The following BCOR variants were observed in gnomAD, a reference collection of about 807,000 sequenced individuals.
The protein encoded by BCOR is BCL-6 corepressor.
In BCOR, 10 loss-of-function variants were observed where a neutral mutation model predicts 86.7. That is an observed-to-expected ratio of 0.12 (90% CI 0.07 to 0.20). The LOEUF (loss-of-function observed/expected upper bound fraction) is 0.20, where lower values mean the gene tolerates loss of function less well. BCOR is among the 10% of genes least tolerant of loss of function. The pLI, the probability that BCOR is intolerant of heterozygous loss-of-function variation, is 1.00. For missense variants in BCOR, 1,259 were observed against 1,452.1 expected (o/e 0.87, Z 2.16); for synonymous variants, 611 against 609.0 (o/e 1.00, Z -0.05).
chrX:40,138,584 T>C (rs771444110), intron 1 of BCOR, among the ~76,000 whole-genome samples: 1 of 111,268 alleles, frequency 9.0e-6, no homozygotes, highest in Non-Finnish European at 1.9e-5. Context: ...AGACGGAATC[T>C]TGCTCTGTCA....
chrX:40,104,232 A>C (rs1457383519), intron 1 of BCOR, among the ~76,000 whole-genome samples: 1 of 111,734 alleles, frequency 8.9e-6, no homozygotes, highest in African/African-American at 3.3e-5. Context: ...CTTCAAACTA[A>C]ACAGGTAGTT....
chrX:40,095,188 T>C (rs1387338145), intron 1 of BCOR, among the ~76,000 whole-genome samples: 1 of 111,310 alleles, frequency 9.0e-6, no homozygotes, highest in Non-Finnish European at 1.9e-5. Flanking sequence ...CTGCCCAAAA[T>C]AAACACGAAA....
Position 40,073,883 on chromosome X carries a change from G to A in BCOR, c.1463C>T (p.Ser488Phe). The A allele has an allele frequency of 8.2e-7, 1 of 1,212,296 alleles. No homozygotes were observed. The highest frequency in any genetic ancestry group is 1.1e-6 in the Non-Finnish European group (1 of 895,539). Reference sequence around the variant, plus strand: ...GATAGCACAACCATTTCCTGGAGGAGATAGTGTTTCTTTCGGAATCTCACT... The same window carrying A: ...GATAGCACAACCATTTCCTGGAGGAAATAGTGTTTCTTTCGGAATCTCACT... Reference protein sequence around the residue: ...SGSEIPKETLSPPGNGCAIYR... With the variant: ...SGSEIPKETLFPPGNGCAIYR... Residue 488 changes from serine (S) to phenylalanine (F), a missense_variant, in exon 4 of 15, where the codon TCT (serine) becomes TTT (phenylalanine). This residue lies in a region of BCOR where 534 missense variants were observed against 594.8 expected (regional missense o/e 0.90). Transcript: ENST00000378444.
intron 1 of BCOR, among the ~76,000 whole-genome samples, chrX:40,151,105 G>T (rs1938156976): frequency 8.9e-6 from 1 of 111,900 alleles, no homozygotes; most frequent in South Asian, 3.7e-4. Context: ...GCATGGGGGA[G>T]TTGTACCTCC....
chrX:40,129,407 T>A (rs1199349901), intron 1 of BCOR, among the ~76,000 whole-genome samples: 1 of 108,458 alleles, frequency 9.2e-6, no homozygotes, highest in East Asian at 2.9e-4. Flanking sequence ...TCACTTGAAC[T>A]CAGGAGGCAG....
Position 40,083,659 on chromosome X carries a change from C to T in BCOR, c.-40-5690G>A, listed in dbSNP as rs755264289. ...TCGGTCGGCAACAAAGGGATTTTCT[C>T]TCCCACCACACACACCCGTGCTGCT... On this transcript the variant is annotated intron_variant, in intron 1 of 14. Transcript: ENST00000378444. 8.9e-5 allele frequency among the ~76,000 whole-genome samples: 10 copies of T among 112,287 alleles called. No homozygotes were observed. In the South Asian group the frequency reaches 3.7e-3, roughly 42 times the overall value.
chrX:40,060,554 G>A (rs1934818825), intron 10 of BCOR, among the ~76,000 whole-genome samples: 1 of 112,184 alleles, frequency 8.9e-6, no homozygotes, highest in Non-Finnish European at 1.9e-5. Context: ...ACCCCGCTAT[G>A]GCCGGCAAGT....
At chrX:40,062,511 T>G (rs747481986) in intron 9 of BCOR, 118 bp from the exon 10 acceptor site, 29 of 992,343 alleles carry the variant, frequency 2.9e-5, no homozygotes, top group Non-Finnish European at 4.0e-5. Flanking sequence ...ATTCCTTATC[T>G]TTTTTTGGGG....
intron 1 of BCOR, among the ~76,000 whole-genome samples, chrX:40,160,203 C>A (rs1163276427): frequency 2.7e-5 from 3 of 109,347 alleles, no homozygotes; most frequent in East Asian, 5.8e-4. Flanking sequence ...GCAAGCTCCG[C>A]CTCCCGGATT....
chrX:40,127,906 A>AAATAAATAAATT (rs1465436048), intron 1 of BCOR, among the ~76,000 whole-genome samples: 3 of 103,480 alleles, frequency 2.9e-5, no homozygotes, highest in Admixed American at 1.1e-4. Flanking sequence ...ATAAATAAAT[A>AAATAAATAAATT]AATTTAAAAA....
At chrX:40,158,645 T>C (rs1938351835) in intron 1 of BCOR, among the ~76,000 whole-genome samples, 1 of 112,803 alleles carries the variant, frequency 8.9e-6, no homozygotes, top group African/African-American at 3.2e-5. Flanking sequence ...CCCAGAACTC[T>C]GTCCCCAGAG....
intron 6 of BCOR, chrX:40,067,859 C>T (rs907765802): frequency 1.3e-4 from 14 of 111,845 alleles, no homozygotes; most frequent in African/African-American, 4.6e-4. Flanking sequence ...TTGGACCTCC[C>T]TCAAATGGGG....
At chrX:40,170,805 T>G (rs1938605104) in intron 1 of BCOR, among the ~76,000 whole-genome samples, 1 of 112,508 alleles carries the variant, frequency 8.9e-6, no homozygotes, top group African/African-American at 3.2e-5. Context: ...ATTAGGTTGC[T>G]TTTGGGTTCC....
At position 40,078,780 on chromosome X, in the gene BCOR, G is replaced by A. The variant is rs181156388; in HGVS notation, c.-40-811C>T. 2.1e-3 allele frequency among the ~76,000 whole-genome samples: 230 copies of A among 111,823 alleles called. 1 individual carries two copies. The highest frequency in any genetic ancestry group is 0.014 in the Middle Eastern group (3 of 217). Reference sequence around the variant, plus strand: ...AGAAGCCACCCATTTTCCACGTTCCGGGAGCGGGAGGTTGCCAAGGCAGAG... The same window carrying A: ...AGAAGCCACCCATTTTCCACGTTCCAGGAGCGGGAGGTTGCCAAGGCAGAG... On this transcript the variant is annotated intron_variant, in intron 1 of 14. Coordinates refer to ENST00000378444, the MANE Select transcript of BCOR (RefSeq NM_001123385.2).
chrX:40,123,297 CAG>C (rs1371362202), intron 1 of BCOR, among the ~76,000 whole-genome samples: 1 of 110,176 alleles, frequency 9.1e-6, no homozygotes, highest in Non-Finnish European at 1.9e-5. Context: ...GACCCTCCAA[CAG>C]AGCAATATGG....
intron 1 of BCOR, among the ~76,000 whole-genome samples, chrX:40,134,757 C>T (rs1937645816): frequency 8.9e-6 from 1 of 112,072 alleles, no homozygotes. Flanking sequence ...GACTGAATCC[C>T]CATGGGGCTC....
chrX:40,160,208 C>T (rs1348227951), intron 1 of BCOR, among the ~76,000 whole-genome samples: 1 of 109,571 alleles, frequency 9.1e-6, no homozygotes, highest in Admixed American at 9.6e-5. Context: ...CTCCGCCTCC[C>T]GGATTCACGC....
upstream of BCOR, among the ~76,000 whole-genome samples, chrX:40,101,010 T>G (rs1247337105): frequency 1.9e-5 from 2 of 107,268 alleles, no homozygotes; most frequent in African/African-American, 3.4e-5. Context: ...CTAAGAGGCA[T>G]GAGTGGTGGG....
intron 1 of BCOR, among the ~76,000 whole-genome samples, chrX:40,168,097 C>T (rs965245003): frequency 8.9e-6 from 1 of 112,988 alleles, no homozygotes; most frequent in African/African-American, 3.2e-5. Context: ...CAGACACGCA[C>T]ACGCGCGCAC....
Sources: gnomAD v4.1 joint callset for allele counts (sites outside exome capture counted in the v4.1 genomes callset) on GRCh38, gnomAD v4.1.1 for gene constraint, gnomAD v4.1.1 regional missense constraint, MANE v1.5 for transcripts, NCBI Gene and HGNC (gene_info 2026-07-23, HGNC 2026-07-21) for gene names.